Variants in SLTM observed in about 807,000 individuals in gnomAD.
SLTM encodes SAFB like transcription modulator.
Under a neutral mutation model 134.6 loss-of-function variants are expected in SLTM, and 43 were observed. That is an observed-to-expected ratio of 0.32 (90% CI 0.25 to 0.41). The LOEUF (loss-of-function observed/expected upper bound fraction) is 0.41. Ranked by LOEUF, SLTM falls within the 10% of genes least tolerant of loss-of-function variation. SLTM has a pLI of 1.00. For synonymous variants in SLTM, 424 were observed against 432.3 expected (o/e 0.98, Z 0.24); for missense variants, 1,055 against 1,288.8 (o/e 0.82, Z 2.78).
chr15:58,908,052 C>A (rs1457458702), intron 5 of SLTM, among the ~76,000 whole-genome samples: 2 of 96,258 alleles, frequency 2.1e-5, no homozygotes, highest in African/African-American at 6.9e-5. Flanking sequence ...TACATAATTT[C>A]TTTTTCTTTC....
intron 2 of SLTM, among the ~76,000 whole-genome samples, chr15:58,925,215 G>A (rs2037375772): frequency 6.6e-6 from 1 of 152,022 alleles, no homozygotes; most frequent in African/African-American, 2.4e-5. Context: ...GCCATGCCTT[G>A]TATTGTTTGC....
intron 5 of SLTM, among the ~76,000 whole-genome samples, chr15:58,904,414 G>T (rs1237378834): frequency 1.3e-5 from 2 of 152,134 alleles, no homozygotes; most frequent in Non-Finnish European, 2.9e-5. Context: ...AAAGTAACAT[G>T]AAGGAAACTA....
intron 1 of SLTM, 148 bp downstream of exon 1, chr15:58,933,256 G>A (rs1204161684): frequency 1.3e-6 from 1 of 766,736 alleles, no homozygotes; most frequent in Admixed American, 4.5e-5. Context: ...CGTCCTCCAC[G>A]CTCGCGGGAG....
intron 5 of SLTM, among the ~76,000 whole-genome samples, chr15:58,908,007 G>A (rs1337312354): frequency 7.9e-6 from 1 of 125,908 alleles, no homozygotes; most frequent in African/African-American, 2.7e-5. Flanking sequence ...TGCTGCGTGT[G>A]TGTGTGTGTG....
In SLTM at chr15:58,889,436, T is replaced by A; in HGVS notation, c.2198A>T (p.Asp733Val). ...RNSLKRPRDV[D>V]HRRDDPYWSE... Reference sequence around the variant, plus strand: ...GAATAAAATGAGTAACTACCTATGATCTACATCACGTGGGCGTTTCAAGGA... The same window carrying A: ...GAATAAAATGAGTAACTACCTATGAACTACATCACGTGGGCGTTTCAAGGA... Residue 733 changes from aspartate (D) to valine (V), a missense_variant, in exon 16 of 21, where the codon GAT (aspartate) becomes GTT (valine). Asp to Val is a radical substitution (Grantham distance 152). This residue lies in a region of SLTM where 776 missense variants were observed against 962.2 expected (regional missense o/e 0.81). Coordinates refer to ENST00000380516, the MANE Select transcript of SLTM (RefSeq NM_024755.4). 6.2e-7 allele frequency: 1 copy of A among 1,613,920 alleles called. No homozygotes were observed.
Position 58,883,666 on chromosome 15 carries a change from C to T in SLTM, c.2956G>A (p.Asp986Asn). Residue 986 changes from aspartate to asparagine, a missense_variant, in exon 20 of 21, where the codon GAC becomes AAC. Around this residue, in one of 3 missense-constraint regions of SLTM, gnomAD observed 776 missense variants for 962.2 expected, o/e 0.81. Transcript: ENST00000380516. ...ATCATGCCTGCTCCTGCCCGGCCGT[C>T]ACCCATTCGCCTCGTATCATGATAG... ...PSYHDTRRMG[D>N]GRAGAGMITQ... is the part of the protein sequence containing the mutation. The T allele has an allele frequency of 5.6e-6, 9 of 1,614,198 alleles. No homozygotes were observed. The highest frequency in any genetic ancestry group is 7.6e-6 in the Non-Finnish European group (9 of 1,180,050).
chr15:58,923,271 T>C (rs781115614), intron 2 of SLTM, among the ~76,000 whole-genome samples: 7 of 152,072 alleles, frequency 4.6e-5, no homozygotes, highest in Non-Finnish European at 7.4e-5. Context: ...TGTGGGAGGA[T>C]ACCATAAGCC....
intron 3 of SLTM, among the ~76,000 whole-genome samples, chr15:58,916,082 C>G (rs1327892047): frequency 2.0e-5 from 3 of 152,068 alleles, no homozygotes; most frequent in Non-Finnish European, 4.4e-5. Context: ...TTCTGGCCAG[C>G]CAGTTTTGAA....
chr15:58,885,763 G>C (rs2034129639), intron 19 of SLTM, among the ~76,000 whole-genome samples: 1 of 152,038 alleles, frequency 6.6e-6, no homozygotes, highest in Middle Eastern at 3.2e-3. Context: ...CAGCCTGTTT[G>C]ACAGAGTAAG....
rs1684547987 is a variant in SLTM, at chr15:58,911,457, T to C, written c.561+1106A>G. On this transcript the variant is annotated intron_variant, in intron 5 of 20. Coordinates refer to ENST00000380516, the MANE Select transcript of SLTM (RefSeq NM_024755.4). ...TAAAGAGGACATAATCCTGTCCTAC[T>C]TGGGTAACTGTGCTAATTCTAGAGC... 2.0e-5 allele frequency among the ~76,000 whole-genome samples: 3 copies of C among 152,222 alleles called. No individual in the cohort carries two copies. The South Asian group carries it at 6.2e-4, about 32-fold the overall frequency.
chr15:58,895,761 C>G (rs776103896), intron 9 of SLTM, among the ~76,000 whole-genome samples: 6 of 152,074 alleles, frequency 3.9e-5, no homozygotes, highest in Non-Finnish European at 5.9e-5. Flanking sequence ...AAAAATATAA[C>G]ACAGCCTATC....
intron 20 of SLTM, among the ~76,000 whole-genome samples, chr15:58,883,118 C>T (rs2033877704): frequency 6.6e-6 from 1 of 152,172 alleles, no homozygotes. Context: ...AGTTCGAGAC[C>T]TGCCTGGGCA....
chr15:58,906,251 G>A (rs1339823009), intron 5 of SLTM, among the ~76,000 whole-genome samples: 19 of 152,034 alleles, frequency 1.2e-4, no homozygotes, highest in African/African-American at 3.4e-4. Flanking sequence ...GAGGAATATA[G>A]CAAGTAAATG....
chr15:58,892,982 A>C lies in SLTM; in HGVS notation c.1813T>G (p.Leu605Val). The C allele has an allele frequency of 1.2e-6, 2 of 1,613,814 alleles. No individual in the cohort carries two copies. Among genetic ancestry groups the C allele is most frequent in the African/African-American group, 1.3e-5 (1 of 75,046 alleles). ...RDKDYRRKEI[L>V]PFEKMKEQRL... ...TGTTCCTTCATCTTTTCAAAAGGCA[A>C]GATCTCTTTCCTTCTGTAGTCTTTA... The change falls in exon 14 of 21, where the codon TTG becomes GTG. Residue 605 changes from leucine (L) to valine (V), a missense_variant. By Grantham distance (32) the Leu-to-Val change is conservative (BLOSUM62 1). Transcript: ENST00000380516.
chr15:58,883,053 G>A (rs139160890), intron 20 of SLTM, among the ~76,000 whole-genome samples: 1 of 152,296 alleles, frequency 6.6e-6, no homozygotes, highest in African/African-American at 2.4e-5. Flanking sequence ...AGTGGCTCCC[G>A]CCTGTAATCT....
At chr15:58,918,223 T>TA (rs755217601) in intron 2 of SLTM, among the ~76,000 whole-genome samples, 1 of 152,020 alleles carries the variant, frequency 6.6e-6, no homozygotes, top group South Asian at 2.1e-4. Context: ...GGAAGTTTAT[T>TA]AAAAAAAATT....
chr15:58,901,196 C>T, intron 6 of SLTM, 64 bp downstream of exon 6: 2 of 1,250,862 alleles, frequency 1.6e-6, no homozygotes, highest in South Asian at 2.6e-5. Context: ...ATAAGGAGTG[C>T]TTTTTACATA....
In SLTM at chr15:58,920,520, G is replaced by A. The variant is rs550226365; in HGVS notation, c.251-3521C>T. Reference sequence around the variant, plus strand: ...TGCCTGTAATCCCAGCTAATTGGGAGGCTGAGACAGGAGAATCACCTGAAC... The same window carrying A: ...TGCCTGTAATCCCAGCTAATTGGGAAGCTGAGACAGGAGAATCACCTGAAC... On this transcript the variant is annotated intron_variant, in intron 2 of 20. Coordinates refer to ENST00000380516, the MANE Select transcript of SLTM (RefSeq NM_024755.4). Among the ~76,000 whole-genome samples the A allele has an allele frequency of 1.2e-4, 18 of 151,878 alleles. No homozygotes were observed. In the East Asian group the frequency reaches 2.1e-3, roughly 18 times the overall value.
At chr15:58,914,709 T>A (rs1220781071) in intron 3 of SLTM, among the ~76,000 whole-genome samples, 2 of 152,244 alleles carry the variant, frequency 1.3e-5, no homozygotes, top group Non-Finnish European at 2.9e-5. Flanking sequence ...TCTCCTCACT[T>A]ATTTACAGAA....
Sources: gnomAD v4.1 joint callset for allele counts (sites outside exome capture counted in the v4.1 genomes callset) on GRCh38, gnomAD v4.1.1 for gene constraint, gnomAD v4.1.1 regional missense constraint, MANE v1.5 for transcripts, NCBI Gene and HGNC (gene_info 2026-07-23, HGNC 2026-07-21) for gene names.